Variants in RPS6KC1 observed in about 807,000 individuals in gnomAD.
RPS6KC1 encodes ribosomal protein S6 kinase C1, also known as inactive ribosomal protein S6 kinase delta-1.
RPS6KC1 carries 54 observed loss-of-function variants against 103.8 expected under a neutral mutation model. The ratio of observed to expected loss-of-function variants is 0.52; its 90% confidence interval spans 0.42 to 0.65. RPS6KC1 has a LOEUF of 0.65. RPS6KC1 is among the 30% of genes least tolerant of loss of function. The pLI, the probability that RPS6KC1 is intolerant of heterozygous loss-of-function variation, is 0.00. For missense variants in RPS6KC1, 1,151 were observed against 1,253.8 expected (o/e 0.92, Z 1.24); for synonymous variants, 439 against 438.7 (o/e 1.00, Z -0.01).
At chr1:213,833,916 T>G in the RPS6KC1 span, among the ~76,000 whole-genome samples, 1 of 152,254 alleles carries the variant, frequency 6.6e-6, no homozygotes, top group Non-Finnish European at 1.5e-5. Context: ...GAAAGGCTCA[T>G]GCATTCTCTA....
At chr1:213,226,495 A>C (rs1020471571) in intron 8 of RPS6KC1, among the ~76,000 whole-genome samples, 1 of 152,236 alleles carries the variant, frequency 6.6e-6, no homozygotes, top group Non-Finnish European at 1.5e-5. Context: ...CTGAAAAATA[A>C]TAAAAGTCAA....
chr1:213,288,965 C>G, the RPS6KC1 span, among the ~76,000 whole-genome samples: 1 of 152,034 alleles, frequency 6.6e-6, no homozygotes, highest in African/African-American at 2.4e-5. Flanking sequence ...TTTTTTAAAT[C>G]TGACACAGAA....
intron 3 of RPS6KC1, among the ~76,000 whole-genome samples, chr1:213,098,901 T>C (rs796790350): frequency 2.0e-4 from 30 of 152,336 alleles, no homozygotes; most frequent in African/African-American, 6.7e-4. Flanking sequence ...TAAGATGAGG[T>C]ATATAATATT....
intron 6 of RPS6KC1, among the ~76,000 whole-genome samples, chr1:213,152,235 G>GCCC (rs1558428655): frequency 7.7e-5 from 8 of 103,318 alleles, no homozygotes; most frequent in African/African-American, 2.6e-4. Flanking sequence ...GGGGGCTGAT[G>GCCC]CCCCCACCTC....
chr1:213,814,112 C>T, the RPS6KC1 span, among the ~76,000 whole-genome samples: 1 of 152,206 alleles, frequency 6.6e-6, no homozygotes, highest in Non-Finnish European at 1.5e-5. Context: ...CAAGGAAAAC[C>T]AGACAGCAGA....
chr1:213,118,007 G>C (rs2083868467), intron 5 of RPS6KC1, among the ~76,000 whole-genome samples: 1 of 26,430 alleles, frequency 3.8e-5, no homozygotes, highest in Non-Finnish European at 6.9e-5. Context: ...GGACAACAAA[G>C]CAAGACTTTG....
chr1:213,318,070 T>A, the RPS6KC1 span, among the ~76,000 whole-genome samples: 1 of 152,234 alleles, frequency 6.6e-6, no homozygotes, highest in Non-Finnish European at 1.5e-5. Flanking sequence ...TGGAGAGGGA[T>A]GTGCTTTTCT....
chr1:213,610,752 C>T, the RPS6KC1 span, among the ~76,000 whole-genome samples: 4 of 152,200 alleles, frequency 2.6e-5, no homozygotes, highest in African/African-American at 9.7e-5. Flanking sequence ...GCTGACCACA[C>T]ATGTGAGCAA....
chr1:213,125,795 A>G (rs1182397452), intron 5 of RPS6KC1: 1 of 152,074 alleles, frequency 6.6e-6, no homozygotes, highest in East Asian at 1.9e-4. Context: ...TTTTTGATCT[A>G]ATCTCATTTA....
In RPS6KC1 at chr1:213,097,357, A is replaced by T. The variant is rs561096302; in HGVS notation, c.263-7097A>T. ...ACAGAGTGAGACTGTCTCAAAAAAA[A>T]TTTTTTTGAAAGGAATCTTTTTTTC... On this transcript the variant is annotated intron_variant, in intron 3 of 14. Transcript: ENST00000366960. Among the ~76,000 whole-genome samples the T allele has an allele frequency of 3.9e-4, 60 of 152,284 alleles. No homozygotes were observed. In the South Asian group the frequency reaches 8.3e-3, roughly 21 times the overall value.
chr1:213,834,291 G>A, the RPS6KC1 span, among the ~76,000 whole-genome samples: 2 of 152,264 alleles, frequency 1.3e-5, no homozygotes, highest in East Asian at 1.9e-4. Context: ...TCCCAAAGTG[G>A]TGGGATTACA....
the RPS6KC1 span, among the ~76,000 whole-genome samples, chr1:213,339,171 C>G: frequency 6.6e-6 from 1 of 152,134 alleles, no homozygotes; most frequent in Non-Finnish European, 1.5e-5. Context: ...GGCTGAGAGG[C>G]AGGATAATCA....
the RPS6KC1 span, among the ~76,000 whole-genome samples, chr1:213,824,500 A>G: frequency 2.0e-5 from 3 of 152,128 alleles, no homozygotes; most frequent in African/African-American, 7.2e-5. Flanking sequence ...AGGACAAGGA[A>G]CCCTCAGGCT....
the RPS6KC1 span, among the ~76,000 whole-genome samples, chr1:213,844,452 T>A: frequency 6.6e-6 from 1 of 152,372 alleles, no homozygotes; most frequent in African/African-American, 2.4e-5. Flanking sequence ...TTCCACTTTA[T>A]TCTTATTATT....
At chr1:213,568,253 T>C in the RPS6KC1 span, among the ~76,000 whole-genome samples, 1 of 152,240 alleles carries the variant, frequency 6.6e-6, no homozygotes, top group Non-Finnish European at 1.5e-5. Flanking sequence ...CTTTCAGTGC[T>C]AGAACTGGGA....
At chr1:213,351,422 C>G in the RPS6KC1 span, among the ~76,000 whole-genome samples, 1 of 152,252 alleles carries the variant, frequency 6.6e-6, no homozygotes, top group African/African-American at 2.4e-5. Context: ...AGCTTTGGAG[C>G]CAATGCAAAG....
the RPS6KC1 span, among the ~76,000 whole-genome samples, chr1:213,480,058 T>C: frequency 6.6e-6 from 1 of 152,052 alleles, no homozygotes; most frequent in African/African-American, 2.4e-5. Flanking sequence ...ATCTTCTTTG[T>C]TCTTTTTCTG....
chr1:213,326,513 A>G, the RPS6KC1 span, among the ~76,000 whole-genome samples: 2 of 152,170 alleles, frequency 1.3e-5, no homozygotes, highest in African/African-American at 4.8e-5. Context: ...AAGGCTGCCA[A>G]ATGTTCACTG....
chr1:213,516,607 T>C, the RPS6KC1 span, among the ~76,000 whole-genome samples: 1 of 152,178 alleles, frequency 6.6e-6, no homozygotes, highest in East Asian at 1.9e-4. Context: ...ATAAAGTTTT[T>C]GATGTGCTGC....
Sources: gnomAD v4.1 joint callset for allele counts (sites outside exome capture counted in the v4.1 genomes callset) on GRCh38, gnomAD v4.1.1 for gene constraint, MANE v1.5 for transcripts, NCBI Gene and HGNC (gene_info 2026-07-23, HGNC 2026-07-21) for gene names.